The following THAP4 variants were observed in gnomAD, a reference collection of about 807,000 sequenced individuals.
THAP4 encodes peroxynitrite isomerase THAP4.
In THAP4, 18 loss-of-function variants were observed where a neutral mutation model predicts 48.1. The ratio of observed to expected loss-of-function variants is 0.37; its 90% CI spans 0.26 to 0.56. The LOEUF is 0.56. THAP4 is among the 20% of genes least tolerant of loss of function. The pLI, the probability that THAP4 is intolerant of heterozygous loss-of-function variation, is 0.78. For missense variants in THAP4, 656 were observed against 774.9 expected (o/e 0.85, Z 1.82); for synonymous variants, 345 against 324.9 (o/e 1.06, Z -0.66).
chr2:241,628,642 C>T (rs971320373), intron 2 of THAP4, among the ~76,000 whole-genome samples: 6 of 151,688 alleles, frequency 4.0e-5, no homozygotes, highest in African/African-American at 1.5e-4. Flanking sequence ...ACCAGCGCCC[C>T]CCTCAAAACT....
chr2:241,597,013 A>T (rs896120558), intron 5 of THAP4, among the ~76,000 whole-genome samples: 1 of 152,246 alleles, frequency 6.6e-6, no homozygotes, highest in South Asian at 2.1e-4. Context: ...TATTTTTAAA[A>T]AGTAATTGTG....
At chr2:241,593,193 C>T (rs960564698) in intron 5 of THAP4, among the ~76,000 whole-genome samples, 3 of 151,854 alleles carry the variant, frequency 2.0e-5, no homozygotes, top group Admixed American at 6.6e-5. Flanking sequence ...TGCAGTGAGC[C>T]GAGATCGCAC....
intron 2 of THAP4, among the ~76,000 whole-genome samples, chr2:241,626,521 G>C (rs573806154): frequency 2.4e-4 from 36 of 150,342 alleles, no homozygotes; most frequent in African/African-American, 8.7e-4. Flanking sequence ...CACATCATAA[G>C]GAGGAAAAAA....
At chr2:241,611,553 T>G (rs993635744) in intron 2 of THAP4, among the ~76,000 whole-genome samples, 2 of 151,874 alleles carry the variant, frequency 1.3e-5, no homozygotes, top group Non-Finnish European at 2.9e-5. Flanking sequence ...TGAAATCCCA[T>G]CTCTACTAAA....
chr2:241,613,564 G>C (rs2125085831), intron 2 of THAP4, among the ~76,000 whole-genome samples: 1 of 152,260 alleles, frequency 6.6e-6, no homozygotes, highest in South Asian at 2.1e-4. Flanking sequence ...GACCAGCCCA[G>C]GCAACATAGC....
At position 241,601,250 on chromosome 2, in the gene THAP4, C is replaced by T. The variant is rs978495354; in HGVS notation, c.1614+646G>A. Reference sequence around the variant, plus strand: ...CCGAGATCCCACCTTTGCATTCCAGCCTGGGCAACAGAGCGAAACTCCGCC... The same window carrying T: ...CCGAGATCCCACCTTTGCATTCCAGTCTGGGCAACAGAGCGAAACTCCGCC... On this transcript the variant is annotated intron_variant, in intron 5 of 5. Transcript: ENST00000407315. This position sits in a 1 kb window ranked among gnomAD's most constrained non-coding sequence, Gnocchi z 4.0. Among the ~76,000 whole-genome samples the T allele has an allele frequency of 4.6e-5, 7 of 152,200 alleles. No homozygotes were observed. The highest frequency in any genetic ancestry group is 6.5e-5 in the Admixed American group (1 of 15,284).
At position 241,585,129 on chromosome 2, in the gene THAP4, C is replaced by G. The variant is rs139619012; in HGVS notation, c.1615-404G>C. On this transcript the variant is annotated intron_variant, in intron 5 of 5. Coordinates refer to ENST00000407315, the MANE Select transcript of THAP4 (RefSeq NM_015963.6). ...GCGCTGAGCTTCCAGTGCTTCCCTTCTCCACTGCCTCCCACTTTCACTGTA... is the reference window on the plus strand; with the variant it reads ...GCGCTGAGCTTCCAGTGCTTCCCTTGTCCACTGCCTCCCACTTTCACTGTA... The G allele has an allele frequency of 2.5e-3, 405 of 163,330 alleles. 1 individual carries two copies. The highest frequency in any genetic ancestry group is 4.2e-3 in the Non-Finnish European group (315 of 74,618). The allele number at this position is 163,330 out of a possible 1,614,324, so 10.1% of individuals were successfully genotyped here.
intron 5 of THAP4, among the ~76,000 whole-genome samples, chr2:241,587,371 C>T (rs2066907280): frequency 6.6e-6 from 1 of 152,196 alleles, no homozygotes; most frequent in South Asian, 2.1e-4. Context: ...GTCACCAGCA[C>T]CTCCTCTCTC....
chr2:241,637,373 T>G, upstream of THAP4: 2 of 1,384,934 alleles, frequency 1.4e-6, no homozygotes, highest in Non-Finnish European at 1.9e-6. Context: ...GCAAGATGGC[T>G]GCTCGGACGG....
At chr2:241,620,630 T>G (rs2067418201) in intron 2 of THAP4, among the ~76,000 whole-genome samples, 1 of 138,162 alleles carries the variant, frequency 7.2e-6, no homozygotes, top group Non-Finnish European at 1.6e-5. Flanking sequence ...GAGGGGTGAG[T>G]GAGTCAGTGA....
intron 2 of THAP4, among the ~76,000 whole-genome samples, chr2:241,611,956 G>A (rs2067282565): frequency 6.6e-6 from 1 of 152,142 alleles, no homozygotes; most frequent in East Asian, 1.9e-4. Context: ...AGGCTGGAGT[G>A]CAGTGGCATG....
In THAP4 at chr2:241,610,510, G is replaced by C. The variant is rs1299597262; in HGVS notation, c.1241-4037C>G. 3.3e-5 allele frequency among the ~76,000 whole-genome samples: 5 copies of C among 152,184 alleles called. No individual in the cohort carries two copies. The highest frequency in any genetic ancestry group is 1.2e-4 in the African/African-American group (5 of 41,454). ...AGGGCTCACTCAAGAGCTCCAGCAA[G>C]AGCAGAGGCGGGAGCCTCGCCAGCC... On this transcript the variant is annotated intron_variant, in intron 2 of 5. Coordinates refer to ENST00000407315, the MANE Select transcript of THAP4 (RefSeq NM_015963.6). This position sits in a 1 kb window ranked among gnomAD's most constrained non-coding sequence, Gnocchi z 4.2.
At chr2:241,584,788 G>A (rs2066871950) in intron 5 of THAP4, 63 bp from the exon 6 acceptor site, 3 of 1,596,716 alleles carry the variant, frequency 1.9e-6, no homozygotes, top group Admixed American at 3.3e-5. Context: ...ATCAATGCCT[G>A]TGCGCCCACT....
At chr2:241,636,567 C>T (rs2067661802) in intron 1 of THAP4, among the ~76,000 whole-genome samples, 1 of 152,248 alleles carries the variant, frequency 6.6e-6, no homozygotes, top group Admixed American at 6.5e-5. Flanking sequence ...CGCGTCTGCC[C>T]GGTCGCTCCT....
rs2067344327 is a variant in THAP4 at position 241,616,196 on chromosome 2, G to A, written c.1241-9723C>T. On this transcript the variant is annotated intron_variant, in intron 2 of 5. Coordinates refer to ENST00000407315, the MANE Select transcript of THAP4 (RefSeq NM_015963.6). This position sits in a 1 kb window ranked among gnomAD's most constrained non-coding sequence, Gnocchi z 4.6. Reference sequence around the variant, plus strand: ...AGAACCTTTTACGTAGGAGGGACGTGGCCCGGGCTTTCTGCCTCGACGACT... The same window carrying A: ...AGAACCTTTTACGTAGGAGGGACGTAGCCCGGGCTTTCTGCCTCGACGACT... Among the ~76,000 whole-genome samples the A allele has an allele frequency of 6.6e-6, 1 of 152,214 alleles. No homozygotes were observed. The highest frequency in any genetic ancestry group is 6.5e-5 in the Admixed American group (1 of 15,284).
At chr2:241,613,609 G>T (rs998684105) in intron 2 of THAP4, among the ~76,000 whole-genome samples, 3 of 151,754 alleles carry the variant, frequency 2.0e-5, no homozygotes, top group African/African-American at 7.3e-5. Context: ...CAAAAAATTG[G>T]CTGGGCGTGG....
chr2:241,611,725 A>C (rs1320902606), intron 2 of THAP4, among the ~76,000 whole-genome samples: 2 of 61,846 alleles, frequency 3.2e-5, no homozygotes, highest in East Asian at 6.0e-4. Flanking sequence ...CTCTGTCTCC[A>C]AAAAAAAAAA....
intron 2 of THAP4, among the ~76,000 whole-genome samples, chr2:241,619,363 G>A (rs761459038): frequency 6.6e-6 from 1 of 152,192 alleles, no homozygotes; most frequent in East Asian, 1.9e-4. Flanking sequence ...TGGGGGATGC[G>A]TTGACAAACA....
In THAP4 at chr2:241,612,386, G is replaced by A. The variant is rs2067288847; in HGVS notation, c.1241-5913C>T. ...ATCTGGCATGTGCCTGAGAGGTTAA[G>A]TGTGGAGCAGTGGCCCAGGACTGCC... On this transcript the variant is annotated intron_variant, in intron 2 of 5. Coordinates refer to ENST00000407315, the MANE Select transcript of THAP4 (RefSeq NM_015963.6). This position sits in a 1 kb window ranked among gnomAD's most constrained non-coding sequence, Gnocchi z 4.1. Among the ~76,000 whole-genome samples, 1 of 152,220 alleles carries A rather than the reference G, an allele frequency of 6.6e-6. No homozygotes were observed.
Sources: allele counts gnomAD v4.1 joint callset (sites outside exome capture counted in the v4.1 genomes callset), GRCh38; gene constraint gnomAD v4.1.1; non-coding constraint Gnocchi (gnomAD v3.1); transcripts MANE v1.5; gene names NCBI Gene and HGNC (gene_info 2026-07-23, HGNC 2026-07-21).